The following CKAP5 variants were observed in gnomAD, a reference collection of about 807,000 sequenced individuals.
CKAP5 encodes the protein cytoskeleton-associated protein 5.
Under a neutral mutation model 232.8 loss-of-function variants are expected in CKAP5, and 27 were observed. That is an observed-to-expected ratio of 0.12 (90% confidence interval 0.09 to 0.16). The LOEUF is 0.16. Among genes scored for constraint, CKAP5 ranks in the 10% least tolerant of loss-of-function variants. The probability of loss-of-function intolerance (pLI) is 1.00; values close to 1 mark genes in which losing one functional copy is unlikely to be tolerated. For synonymous variants in CKAP5, 785 were observed against 841.1 expected, an observed-to-expected ratio of 0.93 and a Z score of 1.16; for missense variants, 1,838 against 2,424.7, an observed-to-expected ratio of 0.76 and a Z score of 5.08.
intron 13 of CKAP5, 66 bp downstream of exon 13, chr11:46,795,528 G>A: frequency 7.5e-7 from 1 of 1,326,456 alleles, no homozygotes; most frequent in Non-Finnish European, 1.0e-6. Context: ...AATTTTAGAG[G>A]AACAACCACG....
At chr11:46,812,994 C>T (rs1024628336) in intron 4 of CKAP5, among the ~76,000 whole-genome samples, 2 of 151,938 alleles carry the variant, frequency 1.3e-5, no homozygotes, top group East Asian at 3.9e-4. Flanking sequence ...ACTCTGTTAA[C>T]CAGGCTGGAG....
intron 1 of CKAP5, among the ~76,000 whole-genome samples, chr11:46,837,179 G>A (rs1939936998): frequency 6.6e-6 from 1 of 152,108 alleles, no homozygotes; most frequent in Non-Finnish European, 1.5e-5. Flanking sequence ...CATATATAAT[G>A]GAACTGGACA....
chr11:46,774,040 A>G (rs1412544308), intron 24 of CKAP5, among the ~76,000 whole-genome samples: 1 of 152,202 alleles, frequency 6.6e-6, no homozygotes, highest in Non-Finnish European at 1.5e-5. Flanking sequence ...GGCAAGAGAA[A>G]GAAATAAGGG....
intron 8 of CKAP5, chr11:46,802,048 A>T (rs1160635058): frequency 6.6e-6 from 1 of 152,260 alleles, no homozygotes; most frequent in East Asian, 1.9e-4. Context: ...AAACGGCTGC[A>T]GGTACCTTCA....
chr11:46,747,496 G>A (rs2065030957), intron 42 of CKAP5, among the ~76,000 whole-genome samples: 1 of 151,858 alleles, frequency 6.6e-6, no homozygotes, highest in African/African-American at 2.4e-5. Context: ...CAGCTACTCG[G>A]GAAGCTGAGG....
At chr11:46,758,701 G>C (rs558090587) in intron 35 of CKAP5, 6 of 408,202 alleles carry the variant, frequency 1.5e-5, no homozygotes, top group Non-Finnish European at 2.6e-5. Flanking sequence ...AGTGAGACCT[G>C]GTCTCAAAAG....
rs772263590 is a variant in CKAP5 at position 46,765,121 on chromosome 11, C to A, written c.3537+10G>T. The A allele has an allele frequency of 1.9e-6, 3 of 1,605,378 alleles. No homozygotes were observed. Among genetic ancestry groups the A allele is most frequent in the South Asian group, 1.1e-5 (1 of 89,350 alleles). ...CAAAAATCTCCTGACGATTCTTAAT[C>A]CTTCCTTACCTTCAATCCTTTTTCA... On this transcript the variant is annotated intron_variant, in intron 28 of 43. Coordinates refer to ENST00000529230, the MANE Select transcript of CKAP5 (RefSeq NM_001008938.4).
chr11:46,797,020 C>T (rs1224227106), intron 11 of CKAP5, 80 bp from the exon 12 acceptor site: 23 of 1,490,896 alleles, frequency 1.5e-5, no homozygotes, highest in Non-Finnish European at 2.0e-5. Flanking sequence ...CTGATGGTTG[C>T]TAGATAAAGA....
intron 4 of CKAP5, among the ~76,000 whole-genome samples, chr11:46,815,324 A>T (rs1939371945): frequency 6.6e-6 from 1 of 152,142 alleles, no homozygotes; most frequent in Non-Finnish European, 1.5e-5. Context: ...CTAGCATTAC[A>T]GGAGTGAGCC....
chr11:46,772,733 C>CA (rs2065257799), intron 24 of CKAP5, among the ~76,000 whole-genome samples: 1 of 145,610 alleles, frequency 6.9e-6, no homozygotes, highest in Non-Finnish European at 1.5e-5. Flanking sequence ...AGTGATTCCT[C>CA]TTTTTTTTTT....
chr11:46,761,248 CAA>C (rs59147777), intron 32 of CKAP5, among the ~76,000 whole-genome samples: 25 of 85,306 alleles, frequency 2.9e-4, no homozygotes, highest in Admixed American at 7.1e-4. Flanking sequence ...GACCCTGTCT[CAA>C]AAAAAAAAAA....
intron 42 of CKAP5, 45 bp downstream of exon 42, chr11:46,750,229 G>A (rs773235303): frequency 6.3e-7 from 1 of 1,580,070 alleles, no homozygotes; most frequent in Non-Finnish European, 8.6e-7. Flanking sequence ...CCTGTGCTAG[G>A]AGCTATTTTG....
intron 1 of CKAP5, among the ~76,000 whole-genome samples, chr11:46,827,955 CA>C (rs1939693673): frequency 6.6e-6 from 1 of 152,164 alleles, no homozygotes; most frequent in Non-Finnish European, 1.5e-5. Flanking sequence ...ATCATACCAA[CA>C]GGAAAGATAT....
At chr11:46,833,088 C>A (rs1939830604) in intron 1 of CKAP5, among the ~76,000 whole-genome samples, 1 of 152,036 alleles carries the variant, frequency 6.6e-6, no homozygotes, top group Admixed American at 6.6e-5. Context: ...CTGTGCACCA[C>A]AATAGCCCTG....
chr11:46,787,128 A>C (rs1188713876), intron 16 of CKAP5, among the ~76,000 whole-genome samples: 1 of 152,192 alleles, frequency 6.6e-6, no homozygotes, highest in African/African-American at 2.4e-5. Flanking sequence ...ACCACACTCC[A>C]GCCTGGACAA....
chr11:46,807,897 G>T (rs1263921931), intron 8 of CKAP5, 134 bp downstream of exon 8: 12 of 580,400 alleles, frequency 2.1e-5, no homozygotes, highest in Non-Finnish European at 2.7e-5. Flanking sequence ...CTTTAAAAAT[G>T]TATGTCTGTA....
Position 46,760,728 on chromosome 11 carries a change from T to C in CKAP5, c.4278A>G (p.Arg1426=), listed in dbSNP as rs764552353. ...LEERIKRSAK[R]PSAAPIKQVE... ...CCTGTTTTATTGGTGCAGCAGAGGG[T>C]CTCTTTGCTGACCGCTTAATCCTCT... Residue 1426 remains arginine (R), a synonymous_variant, in exon 33 of 44, where the codon AGA becomes AGG. Coordinates refer to ENST00000529230, the MANE Select transcript of CKAP5 (RefSeq NM_001008938.4). 1 of 1,614,170 alleles carries C rather than the reference T, an allele frequency of 6.2e-7. No homozygotes were observed. The highest frequency in any genetic ancestry group is 8.5e-7 in the Non-Finnish European group (1 of 1,180,020).
chr11:46,837,589 T>C (rs770832356), intron 1 of CKAP5, among the ~76,000 whole-genome samples: 5 of 152,242 alleles, frequency 3.3e-5, no homozygotes, highest in South Asian at 2.1e-4. Flanking sequence ...TGGCTGATTC[T>C]AGCACTGGGA....
chr11:46,752,193 T>TATATATACACACACAC (rs1408030107), intron 38 of CKAP5, among the ~76,000 whole-genome samples: 2 of 66,550 alleles, frequency 3.0e-5, no homozygotes, highest in East Asian at 4.9e-4. Context: ...TATATATATA[T>TATATATACACACACAC]ACACACACAC....
Sources: allele counts gnomAD v4.1 joint callset (sites outside exome capture counted in the v4.1 genomes callset), GRCh38; gene constraint gnomAD v4.1.1; transcripts MANE v1.5; gene names NCBI Gene and HGNC (gene_info 2026-07-23, HGNC 2026-07-21).